Variants in DNASE1L3 observed in about 807,000 individuals in gnomAD.
DNASE1L3 encodes the protein deoxyribonuclease gamma.
DNASE1L3 carries 27 observed loss-of-function variants against 30.9 expected under a neutral mutation model. The observed-to-expected ratio is 0.87, with a 90% confidence interval of 0.64 to 1.20. DNASE1L3 has a LOEUF of 1.20. DNASE1L3 is among the 50% of genes most tolerant of loss of function. The pLI, the probability that DNASE1L3 is intolerant of heterozygous loss-of-function variation, is 0.00. For synonymous variants in DNASE1L3, 135 were observed against 138.0 expected (o/e 0.98, Z 0.15); for missense variants, 364 against 378.2 (o/e 0.96, Z 0.31).
At position 58,197,270 on chromosome 3, in the gene DNASE1L3, A is replaced by T. The variant is rs115174621; in HGVS notation, c.704+551T>A. Among the ~76,000 whole-genome samples the T allele has an allele frequency of 6.6e-6, 1 of 152,172 alleles. No individual in the cohort carries two copies. The highest frequency in any genetic ancestry group is 1.5e-5 in the Non-Finnish European group (1 of 68,030). On this transcript the variant is annotated intron_variant, in intron 6 of 7. Coordinates refer to ENST00000394549, the MANE Select transcript of DNASE1L3 (RefSeq NM_004944.4). This position sits in a 1 kb window ranked among gnomAD's most constrained non-coding sequence, Gnocchi z 5.3. ...CTCTTGGTCACAGACATATGAAGTGATAATGTCAGGATTTAAATCCAGGCC... is the reference window on the plus strand; with the variant it reads ...CTCTTGGTCACAGACATATGAAGTGTTAATGTCAGGATTTAAATCCAGGCC...
At chr3:58,204,721 A>T (rs756116691) in intron 4 of DNASE1L3, 48 bp downstream of exon 4, 3 of 1,548,756 alleles carry the variant, frequency 1.9e-6, no homozygotes, top group Non-Finnish European at 2.7e-6. Flanking sequence ...CTGCGCATTC[A>T]TGGGCCGTTG....
In DNASE1L3 at chr3:58,192,688, T is replaced by A. The variant is rs1390261072; in HGVS notation, c.917A>T (p.Ter306LeuextTer39). The change falls in exon 8 of 8, where the codon TAG becomes TTG. Residue 306 changes from the stop codon to leucine (L), a stop_lost. Transcript: ENST00000394549. This position sits in a 1 kb window ranked among gnomAD's most constrained non-coding sequence, Gnocchi z 4.8. Reference protein sequence around the residue: ...LRKKTKSKRS* With the variant: ...LRKKTKSKRSL ...GTTAATAAGATGAGACCCTTGGGTC[T>A]AGGAGCGTTTGCTCTTTGTTTTCTT... 1.2e-6 allele frequency: 2 copies of A among 1,613,902 alleles called. No homozygotes were observed. Among genetic ancestry groups the A allele is most frequent in the Admixed American group, 3.3e-5 (2 of 59,970 alleles).
chr3:58,209,614 C>A (rs1485470912), intron 1 of DNASE1L3, among the ~76,000 whole-genome samples: 1 of 152,228 alleles, frequency 6.6e-6, no homozygotes, highest in Non-Finnish European at 1.5e-5. Context: ...TCCTCCTTCC[C>A]AGTGACAGCA....
At chr3:58,195,463 A>G (rs2097396640) in intron 6 of DNASE1L3, among the ~76,000 whole-genome samples, 1 of 151,956 alleles carries the variant, frequency 6.6e-6, no homozygotes, top group East Asian at 1.9e-4. Context: ...CAACTGGCCT[A>G]TGACTTTTTA....
At chr3:58,198,622 C>T (rs1000910015) in intron 5 of DNASE1L3, among the ~76,000 whole-genome samples, 4 of 152,110 alleles carry the variant, frequency 2.6e-5, no homozygotes, top group East Asian at 1.9e-4. Context: ...TGTTCTTAGT[C>T]GCCACATTTC....
In DNASE1L3 at chr3:58,192,405, C is replaced by G; in HGVS notation, c.*282G>C. 4.2e-6 allele frequency: 1 copy of G among 240,378 alleles called. No homozygotes were observed. The highest frequency in any genetic ancestry group is 7.9e-6 in the Non-Finnish European group (1 of 126,080). The allele number at this position is 240,378 out of a possible 1,614,324, so 14.9% of individuals were successfully genotyped here. On this transcript the variant is annotated 3_prime_UTR_variant, in exon 8 of 8. Transcript: ENST00000394549. This position sits in a 1 kb window ranked among gnomAD's most constrained non-coding sequence, Gnocchi z 4.8. ...CAGCCTCTCGCATGACAGGGTTGAG[C>G]AGGGCCAGTGACAGTGGATGGGGCT...
intron 3 of DNASE1L3, among the ~76,000 whole-genome samples, chr3:58,205,223 G>A (rs2097403142): frequency 6.6e-6 from 1 of 152,228 alleles, no homozygotes; most frequent in Non-Finnish European, 1.5e-5. Flanking sequence ...ACTTGACTAT[G>A]AGGAGTAAAG....
chr3:58,205,436 G>A (rs779831079), intron 3 of DNASE1L3, 35 bp downstream of exon 3: 2 of 1,551,286 alleles, frequency 1.3e-6, no homozygotes, highest in South Asian at 2.2e-5. Context: ...CGATTTATTG[G>A]TGGCCATGTT....
Position 58,192,711 on chromosome 3 carries a change from C to T in DNASE1L3, c.894G>A (p.Lys298=), listed in dbSNP as rs2097394947. 6.2e-7 allele frequency: 1 copy of T among 1,613,888 alleles called. No individual in the cohort carries two copies. The highest frequency in any genetic ancestry group is 1.7e-5 in the Admixed American group (1 of 59,966). ...TCTAGGAGCGTTTGCTCTTTGTTTT[C>T]TTCCTTAGAGTGACAGATTTTTTGC... ...TNSKKSVTLR[K]KTKSKRS The change falls in exon 8 of 8, where the codon AAG becomes AAA. Residue 298 remains lysine, a synonymous_variant. Coordinates refer to ENST00000394549, the MANE Select transcript of DNASE1L3 (RefSeq NM_004944.4). The surrounding 1 kb of genome is among the most constrained non-coding windows in gnomAD (Gnocchi z 4.8).
At chr3:58,193,032 G>T in intron 7 of DNASE1L3, 1 of 1,424,034 alleles carries the variant, frequency 7.0e-7, no homozygotes, top group Non-Finnish European at 9.1e-7. Flanking sequence ...AGTGCCCAAT[G>T]TTGTGTCTTC....
chr3:58,205,414 T>A, intron 3 of DNASE1L3, 57 bp downstream of exon 3: 1 of 1,463,666 alleles, frequency 6.8e-7, no homozygotes, highest in Non-Finnish European at 9.6e-7. Context: ...ACATGCATTT[T>A]GATTCAATTC....
chr3:58,196,934 T>C (rs1244172834), intron 6 of DNASE1L3, among the ~76,000 whole-genome samples: 1 of 152,200 alleles, frequency 6.6e-6, no homozygotes, highest in Admixed American at 6.5e-5. Flanking sequence ...ATTTTTAGGG[T>C]TGCTTCCTGA....
chr3:58,194,314 C>CATTTTTTTTT (rs2097395865), intron 6 of DNASE1L3, among the ~76,000 whole-genome samples: 1 of 89,052 alleles, frequency 1.1e-5, no homozygotes, highest in African/African-American at 4.7e-5. Context: ...GCACAACTAA[C>CATTTTTTTTT]TTTTTTTTTT....
chr3:58,195,776 A>G (rs1283729711), intron 6 of DNASE1L3, among the ~76,000 whole-genome samples: 1 of 151,920 alleles, frequency 6.6e-6, no homozygotes, highest in Non-Finnish European at 1.5e-5. Context: ...ACAGAGCAGG[A>G]CTCTGTCTCA....
At chr3:58,209,517 G>A (rs1370900925) in intron 1 of DNASE1L3, among the ~76,000 whole-genome samples, 1 of 152,192 alleles carries the variant, frequency 6.6e-6, no homozygotes, top group African/African-American at 2.4e-5. Flanking sequence ...CCATCTAGAA[G>A]GCCTTGGTTA....
In DNASE1L3 at chr3:58,210,882, G is replaced by A. The variant is rs2097407354; in HGVS notation, c.25C>T (p.Leu9=). 1.2e-6 allele frequency: 2 copies of A among 1,614,052 alleles called. No homozygotes were observed. The highest frequency in any genetic ancestry group is 2.2e-5 in the East Asian group (1 of 44,872). Residue 9 remains leucine, a synonymous_variant, in exon 1 of 8, where the codon CTG becomes TTG. Coordinates refer to ENST00000394549, the MANE Select transcript of DNASE1L3 (RefSeq NM_004944.4). The part of the protein sequence containing the change: MSRELAPL[L]LLLLSIHSAL... ...CTGTGGATGGAGAGGAGGAGAAGCA[G>A]CAGTGGGGCCAGCTCCCGTGACATC...
intron 5 of DNASE1L3, among the ~76,000 whole-genome samples, chr3:58,198,483 C>T (rs2097398718): frequency 1.3e-5 from 2 of 152,144 alleles, no homozygotes; most frequent in African/African-American, 4.8e-5. Flanking sequence ...TATGGCAGCT[C>T]TAGCAAATGA....
intron 1 of DNASE1L3, among the ~76,000 whole-genome samples, chr3:58,209,756 G>A (rs2097406442): frequency 6.6e-6 from 1 of 152,178 alleles, no homozygotes. Context: ...TACTAGGGGA[G>A]CTGGTGGTTC....
intron 2 of DNASE1L3, 32 bp from the exon 3 acceptor site, chr3:58,205,592 AAGAGT>A (rs2097403381): frequency 6.5e-7 from 1 of 1,547,464 alleles, no homozygotes; most frequent in Non-Finnish European, 8.9e-7. Flanking sequence ...CTGCATCTTG[AAGAGT>A]AAACATTCCC....
Sources: allele counts gnomAD v4.1 joint callset (sites outside exome capture counted in the v4.1 genomes callset), GRCh38; gene constraint gnomAD v4.1.1; non-coding constraint Gnocchi (gnomAD v3.1); transcripts MANE v1.5; gene names NCBI Gene and HGNC (gene_info 2026-07-23, HGNC 2026-07-21).